SEC24D: variants seen among roughly 807,000 people sequenced by gnomAD.
SEC24D encodes the protein SEC24 homolog D, COPII component.
A neutral mutation model predicts 116.9 loss-of-function variants in SEC24D; 69 were observed. That is an observed-to-expected ratio of 0.59 (90% CI 0.49 to 0.72). The LOEUF (loss-of-function observed/expected upper bound fraction) is 0.72, where lower values mean the gene tolerates loss of function less well. Ranked by LOEUF, SEC24D falls within the 30% of genes least tolerant of loss-of-function variation. The pLI is 0.00. For synonymous variants in SEC24D, 405 were observed against 442.8 expected, an observed-to-expected ratio of 0.91 and a Z score of 1.07; for missense variants, 1,131 against 1,264.1, an observed-to-expected ratio of 0.89 and a Z score of 1.60.
intron 8 of SEC24D, among the ~76,000 whole-genome samples, chr4:118,779,058 T>C (rs1484074398): frequency 6.6e-6 from 1 of 152,186 alleles, no homozygotes; most frequent in African/African-American, 2.4e-5. Flanking sequence ...ACAGGGACAA[T>C]TTGACTTCCT....
chr4:118,833,595 G>A lies in SEC24D; in HGVS notation c.102C>T (p.His34=), dbSNP rs1377134598. Residue 34 remains histidine, a synonymous_variant, in exon 2 of 23, where the codon CAC becomes CAT. Coordinates refer to ENST00000280551, the MANE Select transcript of SEC24D (RefSeq NM_014822.4). ...PHYGHYGDPS[H]TASPTGMMKP... is the part of the protein sequence containing the mutation. ...ACACTGTACCTGTTGGAGATGCTGTGTGCGACGGATCCCCATAGTGCCCAT... is the reference window on the plus strand; with the variant it reads ...ACACTGTACCTGTTGGAGATGCTGTATGCGACGGATCCCCATAGTGCCCAT... The A allele has an allele frequency of 1.2e-6, 2 of 1,612,200 alleles. No individual in the cohort carries two copies. Among genetic ancestry groups the A allele is most frequent in the Admixed American group, 1.7e-5 (1 of 59,980 alleles).
intron 8 of SEC24D, among the ~76,000 whole-genome samples, chr4:118,791,170 A>G (rs967560702): frequency 2.6e-5 from 4 of 152,124 alleles, no homozygotes; most frequent in African/African-American, 9.7e-5. Context: ...GATATGTGGA[A>G]AAATAAACAG....
intron 3 of SEC24D, among the ~76,000 whole-genome samples, chr4:118,821,926 G>C (rs770191911): frequency 6.6e-6 from 1 of 152,142 alleles, no homozygotes; most frequent in Non-Finnish European, 1.5e-5. Flanking sequence ...CTTCAATCCA[G>C]TATGCAAGTT....
intron 6 of SEC24D, among the ~76,000 whole-genome samples, chr4:118,811,301 G>C (rs556179242): frequency 2.6e-5 from 4 of 152,314 alleles, no homozygotes; most frequent in African/African-American, 9.6e-5. Context: ...TTTATATTCT[G>C]ACGAGAATGA....
intron 8 of SEC24D, among the ~76,000 whole-genome samples, chr4:118,781,962 T>C (rs1728434125): frequency 6.6e-6 from 1 of 152,148 alleles, no homozygotes. Context: ...CTCTTCACTG[T>C]TTATTCTAGT....
chr4:118,823,912 A>T lies in SEC24D; in HGVS notation c.248+708T>A, dbSNP rs1207457921. On this transcript the variant is annotated intron_variant, in intron 3 of 22. Coordinates refer to ENST00000280551, the MANE Select transcript of SEC24D (RefSeq NM_014822.4). Reference sequence around the variant, plus strand: ...ATTGGCGACAATCCGATTTAATTTTAAAATACTTATTAAGCACCCATTGGC... The same window carrying T: ...ATTGGCGACAATCCGATTTAATTTTTAAATACTTATTAAGCACCCATTGGC... Among the ~76,000 whole-genome samples the T allele has an allele frequency of 4.6e-5, 7 of 152,302 alleles. No individual in the cohort carries two copies. The East Asian group carries it at 1.4e-3, about 29-fold the overall frequency.
intron 20 of SEC24D, among the ~76,000 whole-genome samples, chr4:118,731,779 G>A (rs1186904434): frequency 2.6e-5 from 4 of 152,186 alleles, no homozygotes; most frequent in Admixed American, 6.5e-5. Flanking sequence ...ACAAAAGTGG[G>A]ATGGGGTGTG....
intron 8 of SEC24D, among the ~76,000 whole-genome samples, chr4:118,784,745 C>CG (rs1348474885): frequency 2.0e-5 from 3 of 150,972 alleles, no homozygotes; most frequent in African/African-American, 7.4e-5. Context: ...CCCTGCCCCC[C>CG]CCCCCGCCAC....
chr4:118,803,863 G>GA (rs1553929323), intron 7 of SEC24D, among the ~76,000 whole-genome samples: 1 of 152,114 alleles, frequency 6.6e-6, no homozygotes, highest in Non-Finnish European at 1.5e-5. Context: ...AAAGTGGTTA[G>GA]AAAATTGTCT....
At position 118,833,675 on chromosome 4, in the gene SEC24D, C is replaced by T. The variant is rs138218749; in HGVS notation, c.22G>A (p.Ala8Thr). MSQQGYVATPPYSQPQPG... is the reference protein window; with the variant it reads MSQQGYVTTPPYSQPQPG... ...TGAGGCTGAGAATACGGAGGTGTAG[C>T]CACGTAACCTTGTTGACTCATTATG... Residue 8 changes from alanine to threonine, a missense_variant, in exon 2 of 23, where the codon GCT becomes ACT. Transcript: ENST00000280551. 3 of 1,613,184 alleles carry T rather than the reference C, an allele frequency of 1.9e-6. No homozygotes were observed. In the African/African-American group the frequency reaches 4.0e-5, roughly 22 times the overall value.
In SEC24D at chr4:118,751,176, C is replaced by CTTTTTTTTTTTTTTTTTTTT. The variant is rs1185148886; in HGVS notation, c.1707+819_1707+820insAAAAAAAAAAAAAAAAAAAA. ...TAATAATGATGATTTAGAGTGAGGG[C>CTTTTTTTTTTTTTTTTTTTT]TTTTTTTTTTTTTTTTTTTGAGATG... On this transcript the variant is annotated intron_variant, in intron 13 of 22. Coordinates refer to ENST00000280551, the MANE Select transcript of SEC24D (RefSeq NM_014822.4). 1.5e-4 allele frequency among the ~76,000 whole-genome samples: 15 copies of CTTTTTTTTTTTTTTTTTTTT among 100,332 alleles called. 1 individual carries two copies. Among genetic ancestry groups the CTTTTTTTTTTTTTTTTTTTT allele is most frequent in the South Asian group, 7.9e-4 (2 of 2,530 alleles). 65.8% of individuals were successfully genotyped at this position (100,332 alleles called of 152,430 possible).
chr4:118,751,996 C>T lies in SEC24D; in HGVS notation c.1707G>A (p.Lys569=). 1 of 1,603,222 alleles carries T rather than the reference C, an allele frequency of 6.2e-7. No homozygotes were observed. Among genetic ancestry groups the T allele is most frequent in the Non-Finnish European group, 8.5e-7 (1 of 1,170,894 alleles). ...GCAATTAGAAGTGGCTTCTTCTCACCTTTAGTGCTTCCATGCCAGCCTGGA... is the reference window on the plus strand; with the variant it reads ...GCAATTAGAAGTGGCTTCTTCTCACTTTTAGTGCTTCCATGCCAGCCTGGA... ...PVIQAGMEAL[K]AADCPGKLFI... is the part of the protein sequence containing the mutation. The change falls in exon 13 of 23, where the codon AAG becomes AAA. Residue 569 remains lysine, a splice_region_variant and synonymous_variant. Coordinates refer to ENST00000280551, the MANE Select transcript of SEC24D (RefSeq NM_014822.4).
In SEC24D at chr4:118,780,102, T is replaced by C. The variant is rs181811149; in HGVS notation, c.1042-11791A>G. Among the ~76,000 whole-genome samples the C allele has an allele frequency of 3.3e-3, 497 of 152,320 alleles. 3 individuals carry two copies. Among genetic ancestry groups the C allele is most frequent in the African/African-American group, 0.011 (468 of 41,542 alleles). Reference sequence around the variant, plus strand: ...AAGGGTGTTTCGTTTCTCTATCTCCTTCAGTTCTGCTCTGATGTTAGTTAT... The same window carrying C: ...AAGGGTGTTTCGTTTCTCTATCTCCCTCAGTTCTGCTCTGATGTTAGTTAT... On this transcript the variant is annotated intron_variant, in intron 8 of 22. Transcript: ENST00000280551.
chr4:118,725,057 C>T (rs932197611), intron 22 of SEC24D, among the ~76,000 whole-genome samples: 1 of 147,748 alleles, frequency 6.8e-6, no homozygotes, highest in Admixed American at 6.7e-5. Flanking sequence ...CTGTCAACAC[C>T]ACTTGCTTTT....
chr4:118,726,780 T>C (rs1483294922), intron 22 of SEC24D, among the ~76,000 whole-genome samples: 1 of 144,126 alleles, frequency 6.9e-6, no homozygotes, highest in Non-Finnish European at 1.5e-5. Flanking sequence ...TAGAAATCTT[T>C]TTTTGTTGTT....
intron 3 of SEC24D, among the ~76,000 whole-genome samples, chr4:118,819,530 CAAAAAAA>C (rs373794417): frequency 3.4e-3 from 207 of 60,924 alleles, no homozygotes; most frequent in African/African-American, 9.5e-3. Context: ...GACCCCGTCT[CAAAAAAA>C]AAAAAAAAAA....
At chr4:118,831,022 G>GT (rs1026562101) in intron 2 of SEC24D, among the ~76,000 whole-genome samples, 1 of 151,918 alleles carries the variant, frequency 6.6e-6, no homozygotes, top group African/African-American at 2.4e-5. Flanking sequence ...GGAGGGAGAG[G>GT]TTTTTTTGCT....
chr4:118,817,371 T>G lies in SEC24D; in HGVS notation c.290A>C (p.His97Pro). 6.2e-6 allele frequency: 10 copies of G among 1,613,062 alleles called. No individual in the cohort carries two copies. The highest frequency in any genetic ancestry group is 8.5e-6 in the Non-Finnish European group (10 of 1,179,532). The change falls in exon 4 of 23, where the codon CAT becomes CCT. Residue 97 changes from histidine to proline, a missense_variant. Coordinates refer to ENST00000280551, the MANE Select transcript of SEC24D (RefSeq NM_014822.4). ...PPPVNNVASS[H>P]APYQPSAQSS... is the part of the protein sequence containing the mutation. ...TTGTGCAGAGGGTTGGTATGGTGCA[T>G]GTGAGGATGCCACATTGTTGACAGG...
Position 118,781,019 on chromosome 4 carries a change from C to T in SEC24D, c.1042-12708G>A, listed in dbSNP as rs1406314505. Among the ~76,000 whole-genome samples the T allele has an allele frequency of 2.1e-5, 3 of 144,610 alleles. No homozygotes were observed. The South Asian group carries it at 7.2e-4, about 34-fold the overall frequency. The allele number at this position is 144,610 out of a possible 152,430, so 94.9% of individuals were successfully genotyped here. Reference sequence around the variant, plus strand: ...GCATGTGAAATGGGTCTCCTGAATACAGCACACTGATGGGTCTTGACTCTT... The same window carrying T: ...GCATGTGAAATGGGTCTCCTGAATATAGCACACTGATGGGTCTTGACTCTT... On this transcript the variant is annotated intron_variant, in intron 8 of 22. Transcript: ENST00000280551.
Sources: allele counts gnomAD v4.1 joint callset (sites outside exome capture counted in the v4.1 genomes callset), GRCh38; gene constraint gnomAD v4.1.1; transcripts MANE v1.5; gene names NCBI Gene and HGNC (gene_info 2026-07-23, HGNC 2026-07-21).